Variants in MEF2C observed in about 807,000 individuals in gnomAD.
MEF2C encodes myocyte-specific enhancer factor 2C.
MEF2C carries 6 observed loss-of-function variants against 50.5 expected under a neutral mutation model. The ratio of observed to expected loss-of-function variants is 0.12; its 90% confidence interval spans 0.07 to 0.23. The LOEUF (loss-of-function observed/expected upper bound fraction) is 0.23, where lower values mean the gene tolerates loss of function less well. Ranked by LOEUF, MEF2C falls within the 10% of genes least tolerant of loss-of-function variation. The pLI is 1.00. For missense variants in MEF2C, 276 were observed against 605.0 expected (o/e 0.46, Z 5.70); for synonymous variants, 183 against 228.0 (o/e 0.80, Z 1.78).
chr5:88,753,965 A>G (rs1054558188), intron 4 of MEF2C, among the ~76,000 whole-genome samples: 5 of 152,266 alleles, frequency 3.3e-5, no homozygotes, highest in Non-Finnish European at 5.9e-5. Flanking sequence ...AGGCCAAATA[A>G]GGATTGCTCT....
intron 1 of MEF2C, among the ~76,000 whole-genome samples, chr5:88,854,755 T>C (rs2153400065): frequency 6.6e-6 from 1 of 152,284 alleles, no homozygotes; most frequent in South Asian, 2.1e-4. Context: ...TAATGTACAT[T>C]TGTACATTAT....
At chr5:88,870,223 T>C (rs1293447643) in intron 1 of MEF2C, among the ~76,000 whole-genome samples, 1 of 152,106 alleles carries the variant, frequency 6.6e-6, no homozygotes, top group African/African-American at 2.4e-5. Flanking sequence ...GTTTGTGAAC[T>C]TTTAAAATTT....
intron 5 of MEF2C, among the ~76,000 whole-genome samples, 177 bp downstream of exon 5, chr5:88,751,680 A>C (rs1772804779): frequency 6.6e-6 from 1 of 152,232 alleles, no homozygotes; most frequent in South Asian, 2.1e-4. Context: ...ATTTCGAAAA[A>C]CATACTAAAG....
intron 1 of MEF2C, among the ~76,000 whole-genome samples, chr5:88,857,822 A>G (rs555870734): frequency 9.8e-5 from 15 of 152,328 alleles, no homozygotes; most frequent in Middle Eastern, 3.4e-3. Flanking sequence ...TTCTTTATAA[A>G]TTATCCAGTC....
At chr5:88,736,722 C>A in intron 6 of MEF2C, 1 of 985,376 alleles carries the variant, frequency 1.0e-6, no homozygotes, top group Non-Finnish European at 1.2e-6. Context: ...CTTTTTCATA[C>A]ATGAGTGCTT....
chr5:88,843,237 A>G, intron 1 of MEF2C: 1 of 754,706 alleles, frequency 1.3e-6, no homozygotes, highest in South Asian at 6.0e-5. Context: ...TCTATGGTAA[A>G]AAAAAAAGCA....
intron 1 of MEF2C, among the ~76,000 whole-genome samples, chr5:88,862,778 G>A (rs1190996878): frequency 1.3e-5 from 2 of 152,148 alleles, no homozygotes; most frequent in Non-Finnish European, 1.5e-5. Context: ...AGGAGTGGGC[G>A]CTGAGGAGGA....
intron 4 of MEF2C, among the ~76,000 whole-genome samples, chr5:88,753,784 G>A (rs542108753): frequency 1.3e-5 from 2 of 152,290 alleles, no homozygotes; most frequent in Admixed American, 1.3e-4. Flanking sequence ...GTAAACAGGG[G>A]AAATAATTTT....
intron 3 of MEF2C, among the ~76,000 whole-genome samples, chr5:88,767,623 A>G (rs562124949): frequency 1.3e-5 from 2 of 152,270 alleles, no homozygotes; most frequent in African/African-American, 2.4e-5. Context: ...CCAGATATCA[A>G]CTTCTACTGG....
intron 3 of MEF2C, among the ~76,000 whole-genome samples, chr5:88,768,924 CAT>C (rs1220744816): frequency 1.3e-5 from 2 of 152,138 alleles, no homozygotes; most frequent in African/African-American, 4.8e-5. Context: ...ACAAATTTTA[CAT>C]TATTGAACGC....
intron 1 of MEF2C, among the ~76,000 whole-genome samples, chr5:88,875,539 C>T (rs1830786593): frequency 6.6e-6 from 1 of 151,710 alleles, no homozygotes; most frequent in African/African-American, 2.4e-5. Flanking sequence ...TCTGGGTGTG[C>T]TGGAGGTAGG....
At position 88,764,560 on chromosome 5, in the gene MEF2C, A is replaced by G. The variant is rs1400127221; in HGVS notation, c.259-3232T>C. 7.5e-5 allele frequency among the ~76,000 whole-genome samples: 10 copies of G among 133,168 alleles called. No homozygotes were observed. In the Admixed American group the frequency reaches 7.6e-4, roughly 10 times the overall value. The allele number at this position is 133,168 out of a possible 152,430, so 87.4% of individuals were successfully genotyped here. ...CGTGGTGGCTCTCGCCTGTAATCCC[A>G]GCACTTTGGGAGGCCGAGGCAGGCC... is the stretch of plus-strand genomic sequence containing the variant. On this transcript the variant is annotated intron_variant, in intron 3 of 10. Coordinates refer to ENST00000504921, the MANE Select transcript of MEF2C (RefSeq NM_002397.5).
chr5:88,804,539 G>T, intron 3 of MEF2C, 59 bp downstream of exon 3: 1 of 1,484,174 alleles, frequency 6.7e-7, no homozygotes, highest in Non-Finnish European at 9.4e-7. Context: ...GTGTGGCAGG[G>T]GGAGGTCCAA....
upstream of MEF2C, among the ~76,000 whole-genome samples, chr5:88,884,004 T>A (rs1277413443): frequency 6.6e-6 from 1 of 152,210 alleles, no homozygotes; most frequent in African/African-American, 2.4e-5. Flanking sequence ...TACGGTGGGG[T>A]AATAGCACAT....
intron 4 of MEF2C, chr5:88,752,721 T>C (rs1773413260): frequency 2.0e-6 from 2 of 985,326 alleles, no homozygotes; most frequent in South Asian, 4.7e-5. Flanking sequence ...ATTGTGAAAG[T>C]TGGCAAATAT....
chr5:88,848,417 G>A (rs302482), intron 1 of MEF2C, among the ~76,000 whole-genome samples: 14,814 of 151,972 alleles, frequency 0.097, 1,643 homozygotes, highest in African/African-American at 0.27. Flanking sequence ...ACATCCTTAA[G>A]GTAAAAACTC....
chr5:88,847,908 T>C (rs1016250710), intron 1 of MEF2C, among the ~76,000 whole-genome samples: 2 of 152,148 alleles, frequency 1.3e-5, no homozygotes, highest in Non-Finnish European at 2.9e-5. Flanking sequence ...GCATTCAAAG[T>C]TCCTCACATT....
intron 6 of MEF2C, chr5:88,737,872 G>C: frequency 1.0e-6 from 1 of 985,236 alleles, no homozygotes; most frequent in South Asian, 4.7e-5. Flanking sequence ...TTATACTCTA[G>C]AAAATGAGTG....
At chr5:88,838,474 G>T in intron 1 of MEF2C, 1 of 815,464 alleles carries the variant, frequency 1.2e-6, no homozygotes, top group Non-Finnish European at 1.5e-6. Context: ...ACAATTCCCG[G>T]AAAAAGAAAC....
Sources: allele counts gnomAD v4.1 joint callset (sites outside exome capture counted in the v4.1 genomes callset), GRCh38; gene constraint gnomAD v4.1.1; transcripts MANE v1.5; gene names NCBI Gene and HGNC (gene_info 2026-07-23, HGNC 2026-07-21).